NUP133: variants seen among roughly 807,000 people sequenced by gnomAD.
The protein encoded by NUP133 is nucleoporin 133, also known as nuclear pore complex protein Nup133.
Under a neutral mutation model 146.2 loss-of-function variants are expected in NUP133, and 66 were observed. The ratio of observed to expected loss-of-function variants is 0.45; its 90% CI spans 0.37 to 0.55. The LOEUF is 0.55. Among genes scored for constraint, NUP133 ranks in the 20% least tolerant of loss-of-function variants. NUP133 has a pLI of 0.00. For synonymous variants in NUP133, 521 were observed against 498.8 expected (o/e 1.04, Z -0.59); for missense variants, 1,277 against 1,374.8 (o/e 0.93, Z 1.12).
intron 14 of NUP133, among the ~76,000 whole-genome samples, chr1:229,472,135 C>G (rs573416618): frequency 6.6e-6 from 1 of 150,860 alleles, no homozygotes; most frequent in Non-Finnish European, 1.5e-5. Flanking sequence ...CTGGCTGAAA[C>G]AGTGAAACCC....
At chr1:229,458,398 C>T in intron 20 of NUP133, 102 bp from the exon 21 acceptor site, 1 of 1,149,520 alleles carries the variant, frequency 8.7e-7, no homozygotes. Context: ...TAAGCCGTAT[C>T]AATGAATGAG....
intron 21 of NUP133, among the ~76,000 whole-genome samples, chr1:229,457,885 A>T (rs2102753171): frequency 6.6e-6 from 1 of 152,314 alleles, no homozygotes; most frequent in African/African-American, 2.4e-5. Context: ...TTGCCCTTGG[A>T]ATATTTATCA....
intron 5 of NUP133, 114 bp from the exon 6 acceptor site, chr1:229,498,420 C>A: frequency 1.5e-6 from 1 of 648,830 alleles, no homozygotes; most frequent in South Asian, 2.7e-5. Context: ...TAAAAGAATA[C>A]AAAATAGAAC....
intron 12 of NUP133, among the ~76,000 whole-genome samples, chr1:229,480,768 C>G (rs995511451): frequency 3.3e-5 from 5 of 152,010 alleles, no homozygotes; most frequent in Middle Eastern, 3.2e-3. Context: ...CTCACTACAA[C>G]CTCCGCCACC....
At chr1:229,507,419 GGTGTGTGTTGGGGGTGGGGAGGGGT>G (rs1661973172) in intron 1 of NUP133, among the ~76,000 whole-genome samples, 1 of 152,140 alleles carries the variant, frequency 6.6e-6, no homozygotes, top group South Asian at 2.1e-4. Flanking sequence ...TTATGAACAT[GGTGTGTGTTGGGGGTGGGGAGGGGT>G]GTGTGTGTGT....
chr1:229,477,667 G>C lies in NUP133; in HGVS notation c.1686C>G (p.Thr562=). ...DSDSELDRAV[T]QISVDLMDDY... is the part of the protein sequence containing the mutation. ...CATCCATCAGGTCTACACTGATTTGGGTAACTGCCCTGTCTAGTTCAGAAT... is the reference window on the plus strand; with the variant it reads ...CATCCATCAGGTCTACACTGATTTGCGTAACTGCCCTGTCTAGTTCAGAAT... Residue 562 remains threonine, a synonymous_variant, in exon 13 of 26, where the codon ACC becomes ACG. Transcript: ENST00000261396. The C allele has an allele frequency of 6.2e-7, 1 of 1,613,966 alleles. No individual in the cohort carries two copies.
intron 21 of NUP133, among the ~76,000 whole-genome samples, chr1:229,457,578 A>T (rs12044993): frequency 0.15 from 22,046 of 151,872 alleles, 1,751 homozygotes; most frequent in Middle Eastern, 0.24. Context: ...TTGGTTTTTT[A>T]AAATTTGCAT....
At position 229,464,891 on chromosome 1, in the gene NUP133, AAAT is replaced by A; in HGVS notation, c.2300-19_2300-17del. ...CCACTTGTTGCTGTGAAATTACACA[AAAT>A]AATATGGTTAAAGTAAGGGATCTAG... On this transcript the variant is annotated splice_polypyrimidine_tract_variant and intron_variant, in intron 17 of 25. Transcript: ENST00000261396. 6.2e-7 allele frequency: 1 copy of A among 1,612,982 alleles called. No homozygotes were observed. Among genetic ancestry groups the A allele is most frequent in the African/African-American group, 1.3e-5 (1 of 75,034 alleles).
At chr1:229,488,391 AAAT>A (rs1439302386) in intron 9 of NUP133, among the ~76,000 whole-genome samples, 1 of 152,226 alleles carries the variant, frequency 6.6e-6, no homozygotes, top group African/African-American at 2.4e-5. Flanking sequence ...GGAGAAATAA[AAAT>A]AAATCTCATT....
At chr1:229,475,507 A>G (rs1023124587) in intron 14 of NUP133, 131 bp downstream of exon 14, 7 of 614,116 alleles carry the variant, frequency 1.1e-5, no homozygotes, top group South Asian at 2.3e-5. Flanking sequence ...CTTTTAAATC[A>G]GCAGAGACAA....
chr1:229,502,162 C>T (rs1196715789), intron 2 of NUP133, 60 bp from the exon 3 acceptor site: 7 of 1,275,216 alleles, frequency 5.5e-6, no homozygotes, highest in African/African-American at 1.5e-5. Flanking sequence ...TTACCACACG[C>T]TTTATCAAAA....
chr1:229,489,389 A>G (rs1571933007), intron 9 of NUP133, among the ~76,000 whole-genome samples: 1 of 152,314 alleles, frequency 6.6e-6, no homozygotes, highest in Middle Eastern at 3.4e-3. Context: ...CAGACATGAC[A>G]ATCCCTCCAA....
At chr1:229,448,570 G>A (rs1329695791) in intron 24 of NUP133, among the ~76,000 whole-genome samples, 1 of 152,168 alleles carries the variant, frequency 6.6e-6, no homozygotes, top group African/African-American at 2.4e-5. Flanking sequence ...GTATACTCAA[G>A]TCAAGCAGCC....
At chr1:229,474,689 C>T (rs1047367571) in intron 14 of NUP133, among the ~76,000 whole-genome samples, 1 of 152,172 alleles carries the variant, frequency 6.6e-6, no homozygotes, top group African/African-American at 2.4e-5. Context: ...AGACATCACA[C>T]TAGGAGAACA....
At chr1:229,491,144 C>G (rs12140727) in intron 8 of NUP133, among the ~76,000 whole-genome samples, 28,897 of 151,926 alleles carry the variant, frequency 0.19, 2,944 homozygotes, top group Middle Eastern at 0.25. Flanking sequence ...AAGTTTTGTT[C>G]GAAGGCAACC....
intron 15 of NUP133, 107 bp from the exon 16 acceptor site, chr1:229,466,863 G>T: frequency 1.1e-6 from 1 of 886,314 alleles, no homozygotes; most frequent in Non-Finnish European, 1.6e-6. Flanking sequence ...ACCTATAGAT[G>T]GAGGAAAATT....
intron 21 of NUP133, among the ~76,000 whole-genome samples, chr1:229,457,365 T>TA (rs1377035036): frequency 2.0e-5 from 3 of 152,180 alleles, no homozygotes; most frequent in Non-Finnish European, 4.4e-5. Flanking sequence ...TCCTTGGTTC[T>TA]AAAAAATAAT....
chr1:229,442,401 C>T (rs978014239), intron 25 of NUP133, among the ~76,000 whole-genome samples: 16 of 152,278 alleles, frequency 1.1e-4, no homozygotes, highest in South Asian at 6.2e-4. Flanking sequence ...CTGTTATGAA[C>T]GCTAGCTACA....
intron 24 of NUP133, 137 bp from the exon 25 acceptor site, chr1:229,445,139 A>G: frequency 1.5e-6 from 1 of 650,844 alleles, no homozygotes; most frequent in Non-Finnish European, 2.7e-6. Context: ...GTTTCAAATC[A>G]TTTAAATAAA....
Sources: gnomAD v4.1 joint callset for allele counts (sites outside exome capture counted in the v4.1 genomes callset) on GRCh38, gnomAD v4.1.1 for gene constraint, MANE v1.5 for transcripts, NCBI Gene and HGNC (gene_info 2026-07-23, HGNC 2026-07-21) for gene names.